ROBO1: variants seen among roughly 807,000 people sequenced by gnomAD.
ROBO1 encodes the protein roundabout homolog 1.
ROBO1 carries 149 observed loss-of-function variants against 195.9 expected under a neutral mutation model. The ratio of observed to expected loss-of-function variants is 0.76; its 90% CI spans 0.67 to 0.87. ROBO1 has a LOEUF of 0.87. ROBO1 is among the 40% of genes least tolerant of loss of function. The pLI is 0.00. For synonymous variants in ROBO1, 816 were observed against 733.2 expected, an observed-to-expected ratio of 1.11 and a Z score of -1.82; for missense variants, 1,933 against 2,068.3, an observed-to-expected ratio of 0.93 and a Z score of 1.27.
intron 3 of ROBO1, among the ~76,000 whole-genome samples, chr3:78,949,113 C>T (rs2040626920): frequency 7.1e-6 from 1 of 141,078 alleles, no homozygotes. Context: ...TCAATGCCAT[C>T]CCCATCAAGC....
At chr3:79,396,214 G>T (rs1575769962) in intron 2 of ROBO1, among the ~76,000 whole-genome samples, 1 of 152,028 alleles carries the variant, frequency 6.6e-6, no homozygotes, top group African/African-American at 2.4e-5. Flanking sequence ...TAATAAAATT[G>T]GAGTACTATG....
At chr3:78,783,857 C>T (rs908040340) in intron 4 of ROBO1, among the ~76,000 whole-genome samples, 20 of 152,126 alleles carry the variant, frequency 1.3e-4, no homozygotes, top group African/African-American at 4.3e-4. Context: ...TGCTGAATTA[C>T]ACTTCACTAT....
intron 2 of ROBO1, among the ~76,000 whole-genome samples, chr3:79,530,755 CCACACACACACA>C (rs59568172): frequency 0.075 from 9,587 of 128,226 alleles, 373 homozygotes; most frequent in East Asian, 0.16. Flanking sequence ...CACCTTGTAA[CCACACACACACA>C]CACACACACA....
chr3:78,735,867 C>T (rs10511125), intron 5 of ROBO1, among the ~76,000 whole-genome samples: 10,391 of 152,046 alleles, frequency 0.068, 695 homozygotes, highest in African/African-American at 0.18. Context: ...AGAACTCTTA[C>T]GATGGGAGAC....
intron 4 of ROBO1, among the ~76,000 whole-genome samples, chr3:78,866,488 T>A (rs1208805794): frequency 6.6e-6 from 1 of 152,200 alleles, no homozygotes; most frequent in Non-Finnish European, 1.5e-5. Context: ...AACCCTTCTT[T>A]CCATTCGCAC....
At chr3:79,348,986 A>C (rs2109256471) in intron 2 of ROBO1, among the ~76,000 whole-genome samples, 1 of 152,338 alleles carries the variant, frequency 6.6e-6, no homozygotes, top group African/African-American at 2.4e-5. Flanking sequence ...TAATATTCAA[A>C]CAACACTGTA....
At chr3:79,087,369 T>G (rs1299431142) in intron 3 of ROBO1, among the ~76,000 whole-genome samples, 1 of 152,164 alleles carries the variant, frequency 6.6e-6, no homozygotes, top group African/African-American at 2.4e-5. Flanking sequence ...ATTGTTAAAA[T>G]TTCTTAATGA....
intron 3 of ROBO1, among the ~76,000 whole-genome samples, chr3:78,945,833 T>C (rs1467826780): frequency 6.6e-6 from 1 of 152,030 alleles, no homozygotes; most frequent in Non-Finnish European, 1.5e-5. Flanking sequence ...AAGGACCTGA[T>C]GGAGCTGAAA....
chr3:79,094,380 G>A (rs1375854726), intron 3 of ROBO1, among the ~76,000 whole-genome samples: 1 of 152,082 alleles, frequency 6.6e-6, no homozygotes, highest in Non-Finnish European at 1.5e-5. Context: ...GCAGAGTGGT[G>A]AGAGTATAAG....
chr3:78,939,102 T>C (rs900314680), intron 3 of ROBO1, among the ~76,000 whole-genome samples, 175 bp from the exon 4 acceptor site: 1 of 152,156 alleles, frequency 6.6e-6, no homozygotes, highest in African/African-American at 2.4e-5. Context: ...CTTCCAATTC[T>C]TGAATCCTTT....
intron 2 of ROBO1, among the ~76,000 whole-genome samples, chr3:79,446,134 C>T (rs1208809545): frequency 2.6e-5 from 4 of 152,116 alleles, no homozygotes; most frequent in Non-Finnish European, 4.4e-5. Flanking sequence ...TTTGCTTTTC[C>T]CCTATTACAA....
chr3:79,027,541 G>T (rs1293442311), intron 3 of ROBO1, among the ~76,000 whole-genome samples: 1 of 151,946 alleles, frequency 6.6e-6, no homozygotes, highest in Non-Finnish European at 1.5e-5. Context: ...AGTCTTGTGG[G>T]TAAATACTGA....
intron 2 of ROBO1, among the ~76,000 whole-genome samples, chr3:79,455,630 G>C (rs1319730733): frequency 6.6e-6 from 1 of 152,028 alleles, no homozygotes; most frequent in Non-Finnish European, 1.5e-5. Context: ...ATACAGGGAA[G>C]AACTATTTGA....
intron 1 of ROBO1, among the ~76,000 whole-genome samples, chr3:79,745,546 G>A (rs947121566): frequency 1.1e-4 from 16 of 152,148 alleles, no homozygotes; most frequent in Non-Finnish European, 2.2e-4. Context: ...GACACAGCTA[G>A]GGTTGAAGCC....
At chr3:79,229,246 G>A (rs1402092052) in intron 2 of ROBO1, among the ~76,000 whole-genome samples, 2 of 151,646 alleles carry the variant, frequency 1.3e-5, no homozygotes, top group African/African-American at 4.8e-5. Context: ...ACACTTTTTT[G>A]TTTGTTTCCG....
At chr3:78,938,556 C>G in intron 4 of ROBO1, 45 bp downstream of exon 4, 2 of 1,521,616 alleles carry the variant, frequency 1.3e-6, no homozygotes, top group South Asian at 2.5e-5. Flanking sequence ...AATGACGCCA[C>G]TCTGCCACTC....
chr3:79,060,326 G>A (rs749388788), intron 3 of ROBO1, among the ~76,000 whole-genome samples: 22 of 151,826 alleles, frequency 1.4e-4, no homozygotes, highest in African/African-American at 4.1e-4. Context: ...TTTTCTGCCC[G>A]TGTGATATTT....
At chr3:78,729,335 C>T (rs1684475779) in intron 5 of ROBO1, among the ~76,000 whole-genome samples, 1 of 152,188 alleles carries the variant, frequency 6.6e-6, no homozygotes, top group Admixed American at 6.5e-5. Context: ...AAATTAGTAT[C>T]TTGCTCTCTA....
intron 4 of ROBO1, among the ~76,000 whole-genome samples, chr3:78,935,197 T>C (rs979305752): frequency 3.3e-5 from 5 of 152,066 alleles, no homozygotes; most frequent in African/African-American, 9.7e-5. Context: ...CTTTAATTAA[T>C]TAGCAAAATA....
Sources: gnomAD v4.1 joint callset for allele counts (sites outside exome capture counted in the v4.1 genomes callset) on GRCh38, gnomAD v4.1.1 for gene constraint, MANE v1.5 for transcripts, NCBI Gene and HGNC (gene_info 2026-07-23, HGNC 2026-07-21) for gene names.